Variants in INPP4B observed in about 807,000 individuals in gnomAD.
The protein encoded by INPP4B is inositol polyphosphate 4-phosphatase type II.
In INPP4B, 55 loss-of-function variants were observed where a neutral mutation model predicts 122.5. The ratio of observed to expected loss-of-function variants is 0.45; its 90% CI spans 0.36 to 0.56. The LOEUF (loss-of-function observed/expected upper bound fraction) is 0.56, where lower values mean the gene tolerates loss of function less well. Among genes scored for constraint, INPP4B ranks in the 20% least tolerant of loss-of-function variants. The pLI is 0.00. For missense variants in INPP4B, 1,000 were observed against 1,097.7 expected, an observed-to-expected ratio of 0.91 and a Z score of 1.26; for synonymous variants, 403 against 388.7, an observed-to-expected ratio of 1.04 and a Z score of -0.43.
intron 2 of INPP4B, among the ~76,000 whole-genome samples, chr4:142,615,693 C>G (rs1743541156): frequency 6.6e-6 from 1 of 152,124 alleles, no homozygotes; most frequent in South Asian, 2.1e-4. Context: ...CAAGGTACGT[C>G]TGACCTCCCT....
intron 11 of INPP4B, among the ~76,000 whole-genome samples, chr4:142,238,919 T>A (rs1016839928): frequency 2.0e-5 from 3 of 152,006 alleles, no homozygotes; most frequent in Non-Finnish European, 2.9e-5. Flanking sequence ...CAACAAAATA[T>A]CAAGTCAGTC....
At chr4:142,052,818 T>C (rs992698121) in intron 25 of INPP4B, among the ~76,000 whole-genome samples, 3 of 152,098 alleles carry the variant, frequency 2.0e-5, no homozygotes, top group Admixed American at 6.6e-5. Context: ...AGGTACTCTC[T>C]ATAAGCCCAC....
At chr4:142,598,660 A>G (rs1307054839) in intron 2 of INPP4B, among the ~76,000 whole-genome samples, 1 of 152,114 alleles carries the variant, frequency 6.6e-6, no homozygotes, top group Non-Finnish European at 1.5e-5. Context: ...ACCAAAGCAC[A>G]TGTTTCTAGA....
intron 11 of INPP4B, among the ~76,000 whole-genome samples, chr4:142,247,387 T>G (rs1349483184): frequency 6.6e-6 from 1 of 152,162 alleles, no homozygotes; most frequent in African/African-American, 2.4e-5. Context: ...CCTCCTTGTA[T>G]CTCTGGTAGA....
chr4:142,259,948 T>C (rs754965214), intron 11 of INPP4B, among the ~76,000 whole-genome samples: 11 of 152,176 alleles, frequency 7.2e-5, no homozygotes, highest in Non-Finnish European at 1.6e-4. Flanking sequence ...GTAGTTGGCA[T>C]TGACCAAATG....
chr4:142,799,542 A>C (rs1027476518), intron 1 of INPP4B, among the ~76,000 whole-genome samples: 3 of 151,962 alleles, frequency 2.0e-5, no homozygotes, highest in African/African-American at 7.2e-5. Context: ...ATTAATTTAA[A>C]ATATTTTAAG....
chr4:142,250,598 A>G (rs1193834904), intron 11 of INPP4B, among the ~76,000 whole-genome samples: 1 of 152,226 alleles, frequency 6.6e-6, no homozygotes, highest in Non-Finnish European at 1.5e-5. Context: ...TACATATTCT[A>G]TATCTGCACA....
At chr4:142,810,290 T>TA (rs905403948) in intron 1 of INPP4B, among the ~76,000 whole-genome samples, 1 of 151,868 alleles carries the variant, frequency 6.6e-6, no homozygotes, top group Non-Finnish European at 1.5e-5. Flanking sequence ...TTGCCAAAAA[T>TA]AAAAAAGAAT....
At chr4:142,542,289 T>C (rs563929276) in intron 2 of INPP4B, among the ~76,000 whole-genome samples, 29 of 152,346 alleles carry the variant, frequency 1.9e-4, no homozygotes, top group Non-Finnish European at 3.4e-4. Context: ...TCCCCTTTTA[T>C]AGATACAGTT....
chr4:142,630,662 CAGA>C (rs747044308), intron 2 of INPP4B, among the ~76,000 whole-genome samples: 1 of 151,998 alleles, frequency 6.6e-6, no homozygotes, highest in African/African-American at 2.4e-5. Flanking sequence ...CTTAGGAGGA[CAGA>C]AGAAGAGGAA....
Position 142,429,228 on chromosome 4 carries a change from T to C in INPP4B, c.92-11A>G, listed in dbSNP as rs774055524. On this transcript the variant is annotated splice_polypyrimidine_tract_variant and intron_variant, in intron 4 of 25. Transcript: ENST00000262992. ...GAGTCTTCTGGATACCTATAAATAA[T>C]AGGAGCAAATTCAGATTTTTAAAAA... is the stretch of plus-strand genomic sequence containing the variant. 9.3e-6 allele frequency: 14 copies of C among 1,500,506 alleles called. No homozygotes were observed. Among genetic ancestry groups the C allele is most frequent in the Non-Finnish European group, 7.4e-6 (8 of 1,088,322 alleles). The allele number at this position is 1,500,506 out of a possible 1,614,324, so 92.9% of individuals were successfully genotyped here.
At chr4:142,058,212 T>G (rs1338681473) in intron 25 of INPP4B, among the ~76,000 whole-genome samples, 1 of 152,178 alleles carries the variant, frequency 6.6e-6, no homozygotes, top group African/African-American at 2.4e-5. Flanking sequence ...TATATCTTAG[T>G]AAATTTCAGA....
chr4:142,781,004 C>T (rs796449742), intron 1 of INPP4B, among the ~76,000 whole-genome samples: 5 of 152,236 alleles, frequency 3.3e-5, no homozygotes, highest in African/African-American at 1.2e-4. Flanking sequence ...AAATCAATCT[C>T]ATAATACTCA....
chr4:142,734,327 T>G (rs958288913), intron 1 of INPP4B, among the ~76,000 whole-genome samples: 3 of 152,144 alleles, frequency 2.0e-5, no homozygotes, highest in Non-Finnish European at 4.4e-5. Flanking sequence ...TAAATTTCTG[T>G]TTCTTAAGCC....
At chr4:142,158,806 G>C (rs1487213385) in intron 17 of INPP4B, among the ~76,000 whole-genome samples, 1 of 151,318 alleles carries the variant, frequency 6.6e-6, no homozygotes, top group Non-Finnish European at 1.5e-5. Context: ...GTCAAGGTGA[G>C]GGGGAAGGGT....
chr4:142,503,968 A>G (rs1320931705), intron 2 of INPP4B, among the ~76,000 whole-genome samples: 1 of 151,952 alleles, frequency 6.6e-6, no homozygotes, highest in Non-Finnish European at 1.5e-5. Flanking sequence ...AAACTTAATT[A>G]TAAACAAAAC....
chr4:142,375,177 T>C (rs1194335506), intron 7 of INPP4B, among the ~76,000 whole-genome samples: 2 of 151,854 alleles, frequency 1.3e-5, no homozygotes, highest in Non-Finnish European at 2.9e-5. Context: ...TCATCTTCCT[T>C]GACAGCTCTG....
intron 5 of INPP4B, among the ~76,000 whole-genome samples, chr4:142,414,148 GT>G (rs1805183130): frequency 6.6e-6 from 1 of 152,212 alleles, no homozygotes; most frequent in East Asian, 1.9e-4. Flanking sequence ...TTTCCTTGAA[GT>G]AAAATATTAG....
chr4:142,119,715 C>T (rs1031693632), intron 21 of INPP4B, among the ~76,000 whole-genome samples: 4 of 151,438 alleles, frequency 2.6e-5, no homozygotes, highest in Admixed American at 6.6e-5. Flanking sequence ...TTTATGGGTG[C>T]GGCACACCAA....
Sources: allele counts gnomAD v4.1 joint callset (sites outside exome capture counted in the v4.1 genomes callset), GRCh38; gene constraint gnomAD v4.1.1; transcripts MANE v1.5; gene names NCBI Gene and HGNC (gene_info 2026-07-23, HGNC 2026-07-21).